Variants in ABCA13 observed in about 807,000 individuals in gnomAD.
The protein encoded by ABCA13 is ATP-binding cassette sub-family A member 13.
Under a neutral mutation model 478.7 loss-of-function variants are expected in ABCA13, and 476 were observed. That is an observed-to-expected ratio of 0.99 (90% CI 0.92 to 1.07). The LOEUF (loss-of-function observed/expected upper bound fraction) is 1.07. Among genes scored for constraint, ABCA13 ranks in the 50% least tolerant of loss-of-function variants. ABCA13 has a pLI of 0.00. For missense variants in ABCA13, 6,060 were observed against 5,910.6 expected, an observed-to-expected ratio of 1.03 and a Z score of -0.83; for synonymous variants, 2,252 against 2,158.9, an observed-to-expected ratio of 1.04 and a Z score of -1.20.
intron 27 of ABCA13, among the ~76,000 whole-genome samples, chr7:48,325,919 G>A (rs963662238): frequency 6.6e-6 from 1 of 152,172 alleles, no homozygotes; most frequent in Non-Finnish European, 1.5e-5. Flanking sequence ...GAGGTGAGTG[G>A]TAATTGCCAT....
In ABCA13 at chr7:48,372,460, T is replaced by C; in HGVS notation, c.11096T>C (p.Leu3699Pro). The change falls in exon 33 of 62, where the codon CTA becomes CCA. Residue 3699 changes from leucine (L) to proline (P), a missense_variant. Physicochemically the swap from Leu to Pro is moderately conservative, Grantham distance 98. Transcript: ENST00000435803. ...CTGCCCTACATAGTTCTATTGGTTC[T>C]ACATAACCAATTAAGTTTTGTTAAT... Reference protein sequence around the residue: ...SFLPYIVLLVLHNQLSFVNQT... With the variant: ...SFLPYIVLLVPHNQLSFVNQT... 3 of 1,592,188 alleles carry C rather than the reference T, an allele frequency of 1.9e-6. No homozygotes were observed. Among genetic ancestry groups the C allele is most frequent in the Non-Finnish European group, 2.6e-6 (3 of 1,166,526 alleles).
intron 59 of ABCA13, among the ~76,000 whole-genome samples, chr7:48,638,590 C>G (rs1329388586): frequency 6.6e-6 from 1 of 152,156 alleles, no homozygotes; most frequent in Non-Finnish European, 1.5e-5. Flanking sequence ...CACAGCCATT[C>G]TGATTTGCAT....
At chr7:48,477,504 T>C (rs1033426680) in intron 45 of ABCA13, among the ~76,000 whole-genome samples, 11 of 151,812 alleles carry the variant, frequency 7.2e-5, no homozygotes, top group Non-Finnish European at 1.3e-4. Context: ...TGTCCAACAA[T>C]GATAGACTGG....
chr7:48,478,266 A>G lies in ABCA13; in HGVS notation c.12976-2770A>G, dbSNP rs192811835. ...ATATTTCATTTATATATAGTATTTC[A>G]TTTTTATATATATCATATATATCAT... On this transcript the variant is annotated intron_variant, in intron 45 of 61. Transcript: ENST00000435803. 2.7e-3 allele frequency among the ~76,000 whole-genome samples: 391 copies of G among 145,330 alleles called. 1 individual carries two copies. Among genetic ancestry groups the G allele is most frequent in the African/African-American group, 9.5e-3 (377 of 39,886 alleles).
At chr7:48,247,215 G>T (rs1252811968) in intron 13 of ABCA13, among the ~76,000 whole-genome samples, 2 of 151,872 alleles carry the variant, frequency 1.3e-5, no homozygotes, top group Non-Finnish European at 2.9e-5. Context: ...TCCAGCCTGG[G>T]TGACAATGTG....
intron 37 of ABCA13, 138 bp from the exon 38 acceptor site, chr7:48,391,783 C>A (rs918738001): frequency 2.7e-6 from 2 of 741,644 alleles, no homozygotes; most frequent in Non-Finnish European, 2.2e-6. Context: ...CACCTTTTAA[C>A]TGATTGTGTA....
At chr7:48,439,910 G>A (rs546516768) in intron 42 of ABCA13, among the ~76,000 whole-genome samples, 6 of 152,206 alleles carry the variant, frequency 3.9e-5, no homozygotes, top group African/African-American at 1.4e-4. Context: ...TCAAGGGGAG[G>A]GGATTGTACA....
chr7:48,370,731 C>T (rs573957254), intron 32 of ABCA13, among the ~76,000 whole-genome samples: 21 of 152,082 alleles, frequency 1.4e-4, no homozygotes, highest in African/African-American at 4.8e-4. Flanking sequence ...ATTGCAAAAG[C>T]GATGCTAAGA....
chr7:48,489,375 C>T (rs754779825), intron 48 of ABCA13, 31 bp downstream of exon 48: 3 of 1,503,104 alleles, frequency 2.0e-6, no homozygotes, highest in Middle Eastern at 1.7e-4. Context: ...TTGTAATTCA[C>T]TACTTTCAAA....
At chr7:48,349,511 T>A (rs1200605642) in intron 29 of ABCA13, among the ~76,000 whole-genome samples, 1 of 152,170 alleles carries the variant, frequency 6.6e-6, no homozygotes, top group African/African-American at 2.4e-5. Flanking sequence ...GAGATGCATC[T>A]TCATGTAGTT....
At chr7:48,313,327 G>T in intron 25 of ABCA13, 96 bp downstream of exon 25, 4 of 1,234,962 alleles carry the variant, frequency 3.2e-6, no homozygotes, top group Non-Finnish European at 4.4e-6. Flanking sequence ...TCTAAAATTT[G>T]CATTAGACAG....
intron 2 of ABCA13, among the ~76,000 whole-genome samples, chr7:48,194,131 TG>T (rs1797571972): frequency 0.16 from 12 of 74 alleles, 6 homozygotes; most frequent in African/African-American, 0.31. Flanking sequence ...ATGATGGTGA[TG>T]ACAATGTTGA....
At chr7:48,215,912 G>C (rs1403461745) in intron 3 of ABCA13, among the ~76,000 whole-genome samples, 3 of 152,020 alleles carry the variant, frequency 2.0e-5, no homozygotes, top group Non-Finnish European at 4.4e-5. Flanking sequence ...TGTTTTTAAG[G>C]TTCATTCATG....
intron 41 of ABCA13, among the ~76,000 whole-genome samples, chr7:48,427,001 G>A (rs1467892091): frequency 2.0e-5 from 3 of 152,120 alleles, no homozygotes. Context: ...GCTGCTGCAG[G>A]GCGATGTCTC....
intron 55 of ABCA13, among the ~76,000 whole-genome samples, chr7:48,545,349 C>T (rs1026942537): frequency 6.6e-6 from 1 of 151,492 alleles, no homozygotes; most frequent in African/African-American, 2.4e-5. Context: ...AAAAAATCTC[C>T]CCTGGAATTT....
At position 48,297,405 on chromosome 7, in the gene ABCA13, T is replaced by G. The variant is rs1799531560; in HGVS notation, c.9199+94T>G. 6.6e-6 allele frequency: 8 copies of G among 1,210,318 alleles called. No individual in the cohort carries two copies. In the South Asian group the frequency reaches 8.2e-5, roughly 12 times the overall value. The allele number at this position is 1,210,318 out of a possible 1,614,324, so 75.0% of individuals were successfully genotyped here. A position where few individuals can be genotyped will look rare whatever the true frequency, so the allele number is the denominator to read the frequency against. On this transcript the variant is annotated intron_variant, in intron 22 of 61. Transcript: ENST00000435803. The stretch of plus-strand genomic sequence containing the variant: ...TAAAATAAAACATACAACAGAAAAT[T>G]TATGCTATATGTGATACATAATCAT...
intron 45 of ABCA13, among the ~76,000 whole-genome samples, chr7:48,475,239 C>G (rs1029768194): frequency 6.6e-6 from 1 of 152,070 alleles, no homozygotes; most frequent in African/African-American, 2.4e-5. Context: ...AATGAAAGTC[C>G]TAAGCAATGG....
chr7:48,491,416 G>C lies in ABCA13; in HGVS notation c.13291+2072G>C, dbSNP rs1312909264. Among the ~76,000 whole-genome samples the C allele has an allele frequency of 2.0e-5, 3 of 152,180 alleles. No homozygotes were observed. The East Asian group carries it at 5.8e-4, about 29-fold the overall frequency. On this transcript the variant is annotated intron_variant, in intron 48 of 61. Transcript: ENST00000435803. ...TAAGAAGATCTTGGCACAGAGGCCA[G>C]TGGAGGGCAGAATTTCACATGGATG...
At chr7:48,197,383 C>T (rs1386538068) in intron 2 of ABCA13, among the ~76,000 whole-genome samples, 1 of 152,130 alleles carries the variant, frequency 6.6e-6, no homozygotes, top group African/African-American at 2.4e-5. Flanking sequence ...CAGGTCTGCT[C>T]CCTGGGGAGG....
Sources: gnomAD v4.1 joint callset for allele counts (sites outside exome capture counted in the v4.1 genomes callset) on GRCh38, gnomAD v4.1.1 for gene constraint, MANE v1.5 for transcripts, NCBI Gene and HGNC (gene_info 2026-07-23, HGNC 2026-07-21) for gene names.